SYN2: variants seen among roughly 807,000 people sequenced by gnomAD.
SYN2 encodes the protein synapsin II.
SYN2 carries 19 observed loss-of-function variants against 50.9 expected under a neutral mutation model. The observed-to-expected ratio is 0.37, with a 90% CI of 0.26 to 0.55. SYN2 has a LOEUF of 0.55. Ranked by LOEUF, SYN2 falls within the 20% of genes least tolerant of loss-of-function variation. The probability of loss-of-function intolerance (pLI) is 0.81; values close to 1 mark genes in which losing one functional copy is unlikely to be tolerated. For missense variants in SYN2, 587 were observed against 576.4 expected (o/e 1.02, Z -0.19); for synonymous variants, 255 against 224.9 (o/e 1.13, Z -1.20).
chr3:12,036,269 C>T lies in SYN2; in HGVS notation c.377+31341C>T, dbSNP rs528745686. On this transcript the variant is annotated intron_variant, in intron 1 of 12. Coordinates refer to ENST00000621198, the MANE Select transcript of SYN2 (RefSeq NM_133625.6). ...TTGCCCTAATTGTAGGGGAGGGGTG[C>T]GGCACACTAGCTGTGGTGGCTCTGG... 4.6e-5 allele frequency among the ~76,000 whole-genome samples: 7 copies of T among 152,194 alleles called. No homozygotes were observed. In the East Asian group the frequency reaches 5.8e-4, roughly 13 times the overall value.
At chr3:12,021,538 C>T (rs1694134198) in intron 1 of SYN2, among the ~76,000 whole-genome samples, 1 of 152,158 alleles carries the variant, frequency 6.6e-6, no homozygotes, top group Admixed American at 6.5e-5. Flanking sequence ...CACTTGAGCC[C>T]TGTGACCAGC....
At chr3:12,178,751 T>G (rs1469045390) in intron 10 of SYN2, among the ~76,000 whole-genome samples, 1 of 152,226 alleles carries the variant, frequency 6.6e-6, no homozygotes, top group African/African-American at 2.4e-5. Flanking sequence ...TTACATTGCC[T>G]AACACTTTAC....
chr3:12,028,184 G>C (rs1207812810), intron 1 of SYN2, among the ~76,000 whole-genome samples: 1 of 151,318 alleles, frequency 6.6e-6, no homozygotes, highest in Non-Finnish European at 1.5e-5. Flanking sequence ...TTTCATCCAT[G>C]TCCCTACAAA....
chr3:12,009,812 TGAA>T (rs1693878348), intron 1 of SYN2, among the ~76,000 whole-genome samples: 1 of 152,194 alleles, frequency 6.6e-6, no homozygotes, highest in Admixed American at 6.5e-5. Context: ...CTAAAATGGT[TGAA>T]GAAGGTTGGG....
At chr3:12,179,252 C>T (rs1278119031) in intron 10 of SYN2, among the ~76,000 whole-genome samples, 1 of 69,854 alleles carries the variant, frequency 1.4e-5, no homozygotes, top group Non-Finnish European at 2.7e-5. Context: ...GACATCTCTG[C>T]ACAGGTCCAA....
intron 1 of SYN2, among the ~76,000 whole-genome samples, chr3:12,108,329 A>G (rs1465743996): frequency 6.6e-6 from 1 of 152,256 alleles, no homozygotes; most frequent in Non-Finnish European, 1.5e-5. Context: ...TGCCCAGTAT[A>G]GTGAGTTGGT....
chr3:12,147,313 G>C (rs1327702764), intron 4 of SYN2, among the ~76,000 whole-genome samples: 1 of 152,048 alleles, frequency 6.6e-6, no homozygotes, highest in Non-Finnish European at 1.5e-5. Flanking sequence ...TGAAGCCAGG[G>C]AGAGCTTGGA....
At chr3:12,012,598 T>G (rs1693939833) in intron 1 of SYN2, among the ~76,000 whole-genome samples, 1 of 152,212 alleles carries the variant, frequency 6.6e-6, no homozygotes, top group Non-Finnish European at 1.5e-5. Flanking sequence ...ACCCTCTCCC[T>G]GCACACATGC....
intron 1 of SYN2, among the ~76,000 whole-genome samples, chr3:12,053,455 A>AAT (rs749462399): frequency 7.3e-5 from 11 of 150,948 alleles, no homozygotes; most frequent in East Asian, 3.9e-4. Context: ...AAAACAAAAA[A>AAT]ATATATATAG....
intron 1 of SYN2, among the ~76,000 whole-genome samples, chr3:12,008,859 A>G (rs1407692404): frequency 2.0e-5 from 3 of 152,230 alleles, no homozygotes; most frequent in Non-Finnish European, 4.4e-5. Context: ...GACAGTGGAT[A>G]GCATAAGGAA....
intron 5 of SYN2, among the ~76,000 whole-genome samples, chr3:12,151,578 G>T (rs913664143): frequency 3.9e-5 from 6 of 152,176 alleles, no homozygotes; most frequent in Non-Finnish European, 7.4e-5. Flanking sequence ...CAAACTTCTG[G>T]ACCAACAATC....
chr3:12,026,079 C>G (rs1276508737), intron 1 of SYN2, among the ~76,000 whole-genome samples: 1 of 152,048 alleles, frequency 6.6e-6, no homozygotes, highest in Non-Finnish European at 1.5e-5. Context: ...TGTCTTGGCC[C>G]AGATTTCCTA....
intron 1 of SYN2, among the ~76,000 whole-genome samples, chr3:12,103,160 G>A (rs1233027933): frequency 2.6e-5 from 4 of 152,086 alleles, no homozygotes; most frequent in Admixed American, 2.6e-4. Context: ...TTAGTACCTG[G>A]CAGAACTGGA....
chr3:12,074,141 A>G (rs1171962141), intron 1 of SYN2, among the ~76,000 whole-genome samples: 2 of 152,118 alleles, frequency 1.3e-5, no homozygotes, highest in Admixed American at 6.6e-5. Context: ...GTTCTGTTTT[A>G]TCTATCATAT....
chr3:12,169,736 C>T (rs1415305074), intron 9 of SYN2, 21 bp from the exon 10 acceptor site: 4 of 1,613,388 alleles, frequency 2.5e-6, no homozygotes, highest in Admixed American at 3.3e-5. Flanking sequence ...CTTTCCTCAC[C>T]TGGGACACAT....
intron 3 of SYN2, among the ~76,000 whole-genome samples, chr3:12,143,475 G>A (rs936463966): frequency 6.6e-6 from 1 of 152,056 alleles, no homozygotes; most frequent in South Asian, 2.1e-4. Flanking sequence ...AGTGTCTATT[G>A]TTTCCATCTT....
At chr3:12,059,291 T>A (rs1695063893) in intron 1 of SYN2, among the ~76,000 whole-genome samples, 1 of 152,152 alleles carries the variant, frequency 6.6e-6, no homozygotes, top group South Asian at 2.1e-4. Flanking sequence ...GGTTACACAT[T>A]GGTTTTGGCC....
At chr3:12,083,668 G>A (rs1695627928) in intron 1 of SYN2, among the ~76,000 whole-genome samples, 1 of 152,110 alleles carries the variant, frequency 6.6e-6, no homozygotes. Flanking sequence ...AGTATAAAGA[G>A]CCTATGTGTG....
At chr3:12,114,349 G>T (rs1696385040) in intron 1 of SYN2, among the ~76,000 whole-genome samples, 1 of 151,986 alleles carries the variant, frequency 6.6e-6, no homozygotes. Context: ...TAAATAAACT[G>T]TTATGAGATA....
Sources: allele counts gnomAD v4.1 joint callset (sites outside exome capture counted in the v4.1 genomes callset), GRCh38; gene constraint gnomAD v4.1.1; transcripts MANE v1.5; gene names NCBI Gene and HGNC (gene_info 2026-07-23, HGNC 2026-07-21).